TNS2: variants seen among roughly 807,000 people sequenced by gnomAD.
The protein encoded by TNS2 is tensin 2.
A neutral mutation model predicts 155.7 loss-of-function variants in TNS2; 77 were observed. The observed-to-expected ratio is 0.49, with a 90% confidence interval of 0.41 to 0.60. TNS2 has a LOEUF of 0.60. Among genes scored for constraint, TNS2 ranks in the 20% least tolerant of loss-of-function variants. TNS2 has a pLI of 0.00. For synonymous variants in TNS2, 726 were observed against 763.9 expected, an observed-to-expected ratio of 0.95 and a Z score of 0.82; for missense variants, 1,703 against 1,868.8, an observed-to-expected ratio of 0.91 and a Z score of 1.64.
intron 1 of TNS2, among the ~76,000 whole-genome samples, chr12:53,051,008 G>T (rs1943910952): frequency 6.6e-6 from 1 of 152,184 alleles, no homozygotes. Context: ...CCAGACAGAG[G>T]ATGGGAGGAG....
rs1187768278 is a variant in TNS2 at position 53,060,150 on chromosome 12, C to A, written c.2509C>A (p.Pro837Thr). 7 of 1,609,534 alleles carry A rather than the reference C, an allele frequency of 4.3e-6. No homozygotes were observed. Among genetic ancestry groups the A allele is most frequent in the Non-Finnish European group, 5.9e-6 (7 of 1,178,032 alleles). The change falls in exon 18 of 29, where the codon CCC becomes ACC. Residue 837 changes from proline to threonine, a missense_variant. Physicochemically the swap from Pro to Thr is conservative, Grantham distance 38 (BLOSUM62 -1). Transcript: ENST00000314250. This position sits in a 1 kb window ranked among gnomAD's most constrained non-coding sequence, Gnocchi z 6.1. ...TGGCTCCATTTCCCCGGGCAGCCCG[C>A]CCTATCCACAATCTAGGAAGCTGAG... ...RAGSISPGSP[P>T]YPQSRKLSYE...
Position 53,050,192 on chromosome 12 carries a change from T to C in TNS2, c.7T>C (p.Ser3Pro), listed in dbSNP as rs1332517303. ...CCCCAGCCAGCCGAACACCATGAAG[T>C]CCAGCGGCCCTGTGGAGAGGCTGCT... MK[S>P]SGPVERLLRA... Residue 3 changes from serine to proline, a missense_variant, in exon 1 of 29, where the codon TCC becomes CCC. By Grantham distance (74) the Ser-to-Pro change is moderately conservative. Coordinates refer to ENST00000314250, the MANE Select transcript of TNS2 (RefSeq NM_170754.4). The surrounding 1 kb of genome is among the most constrained non-coding windows in gnomAD (Gnocchi z 4.7). The C allele has an allele frequency of 6.2e-7, 1 of 1,610,946 alleles. No individual in the cohort carries two copies. Among genetic ancestry groups the C allele is most frequent in the South Asian group, 1.1e-5 (1 of 90,588 alleles).
intron 22 of TNS2, 77 bp from the exon 23 acceptor site, chr12:53,062,076 T>C (rs760165790): frequency 4.2e-5 from 68 of 1,611,192 alleles, no homozygotes; most frequent in Non-Finnish European, 5.4e-5. Context: ...CCTCAGCTGC[T>C]CGGGAAAGAA....
In TNS2 at chr12:53,063,639, C is replaced by T. The variant is rs750107762; in HGVS notation, c.4091+47C>T. 1.9e-5 allele frequency: 30 copies of T among 1,614,058 alleles called. No homozygotes were observed. Among genetic ancestry groups the T allele is most frequent in the East Asian group, 2.2e-5 (1 of 44,900 alleles). Reference sequence around the variant, plus strand: ...GCCTCTTCCTTCCAAGGGACCAGGGCGCTGCTGTCCTCTCAATGCTGGCAT... The same window carrying T: ...GCCTCTTCCTTCCAAGGGACCAGGGTGCTGCTGTCCTCTCAATGCTGGCAT... On this transcript the variant is annotated intron_variant, in intron 28 of 28. Coordinates refer to ENST00000314250, the MANE Select transcript of TNS2 (RefSeq NM_170754.4). This position sits in a 1 kb window ranked among gnomAD's most constrained non-coding sequence, Gnocchi z 5.6.
At chr12:53,049,862 C>T, upstream of TNS2, 1 of 416,354 alleles carries the variant, frequency 2.4e-6, no homozygotes, top group African/African-American at 2.1e-5. Flanking sequence ...GTGTGGTGTC[C>T]CAGGTGTGGG....
At chr12:53,049,098 C>G, upstream of TNS2, 1 of 1,429,568 alleles carries the variant, frequency 7.0e-7, no homozygotes, top group South Asian at 1.4e-5. Flanking sequence ...CCTTGACTCC[C>G]AGGACGGGAA....
rs745815288 is a variant in TNS2, at chr12:53,063,366, AT to A, written c.4012del (p.Tyr1338IlefsTer3). 6.2e-7 allele frequency: 1 copy of A among 1,613,720 alleles called. No homozygotes were observed. The highest frequency in any genetic ancestry group is 1.7e-5 in the Admixed American group (1 of 59,982). ...CCTTGCAGGCTCTTCTTTCGCCGCCATTATCCAGTGAACAGCATCACCTTCT... is the reference window on the plus strand; with the variant it reads ...CCTTGCAGGCTCTTCTTTCGCCGCCATATCCAGTGAACAGCATCACCTTCT... ...DNQRKLFFRR[H>X]YPVNSITFSS... On this transcript the variant is annotated frameshift_variant, in exon 27 of 29. Coordinates refer to ENST00000314250, the MANE Select transcript of TNS2 (RefSeq NM_170754.4). LOFTEE classifies it high-confidence loss of function. The surrounding 1 kb of genome is among the most constrained non-coding windows in gnomAD (Gnocchi z 5.6).
In TNS2 at chr12:53,059,058, C is replaced by G. The variant is rs1424664989; in HGVS notation, c.1417C>G (p.His473Asp). Residue 473 changes from histidine to aspartate, a missense_variant, in exon 18 of 29, where the codon CAC becomes GAC. By Grantham distance (81) the His-to-Asp change is moderately conservative. Coordinates refer to ENST00000314250, the MANE Select transcript of TNS2 (RefSeq NM_170754.4). This position sits in a 1 kb window ranked among gnomAD's most constrained non-coding sequence, Gnocchi z 4.7. ...HEDSVDGSLT[H>D]TRGPLDGSPY... ...TCTTCCCCACTCAGGCTCCTTGACC[C>G]ACACCCGGGGTCCCCTGGATGGCAG... 1.9e-6 allele frequency: 3 copies of G among 1,538,512 alleles called. No homozygotes were observed. Among genetic ancestry groups the G allele is most frequent in the Admixed American group, 2.0e-5 (1 of 49,508 alleles).
rs762491330 is a variant in TNS2, at chr12:53,059,123, C to T, written c.1482C>T (p.Pro494=). 9.5e-6 allele frequency: 15 copies of T among 1,573,836 alleles called. No individual in the cohort carries two copies. Among genetic ancestry groups the T allele is most frequent in the Admixed American group, 9.1e-5 (5 of 55,108 alleles). Residue 494 remains proline, a synonymous_variant, in exon 18 of 29, where the codon CCC becomes CCT. Transcript: ENST00000314250. This position sits in a 1 kb window ranked among gnomAD's most constrained non-coding sequence, Gnocchi z 4.7. ...AQVQRPPRQT[P]PAPSPEPPPP... ...TGCAGCGGCCTCCCCGGCAGACCCC[C>T]CCGGCACCCTCTCCAGAGCCTCCAC...
chr12:53,061,967 G>T (rs1353734968), intron 22 of TNS2, 27 bp downstream of exon 22: 1 of 1,609,278 alleles, frequency 6.2e-7, no homozygotes, highest in Non-Finnish European at 8.5e-7. Flanking sequence ...CCTGAGTGGG[G>T]TGGGGATGAA....
intron 15 of TNS2, 33 bp from the exon 16 acceptor site, chr12:53,058,539 G>A (rs1201770945): frequency 1.2e-6 from 2 of 1,613,870 alleles, no homozygotes; most frequent in South Asian, 1.1e-5. Flanking sequence ...GTATGGGCCA[G>A]GGGCCTGGTT....
chr12:53,060,191 G>C lies in TNS2; in HGVS notation c.2550G>C (p.Thr850=), dbSNP rs1300072512. The change falls in exon 18 of 29, where the codon ACG becomes ACC. Residue 850 remains threonine (T), a synonymous_variant. Coordinates refer to ENST00000314250, the MANE Select transcript of TNS2 (RefSeq NM_170754.4). This position sits in a 1 kb window ranked among gnomAD's most constrained non-coding sequence, Gnocchi z 6.1. ...GGAAGCTGAGCTACGAGATCCCTAC[G>C]GAGGAGGGAGGGGACAGGTACCCAT... is the stretch of plus-strand genomic sequence containing the variant. The part of the protein sequence containing the change: ...QSRKLSYEIP[T]EEGGDRYPLP... 6.3e-7 allele frequency: 1 copy of C among 1,588,974 alleles called. No individual in the cohort carries two copies. The highest frequency in any genetic ancestry group is 1.3e-5 in the African/African-American group (1 of 74,564).
At position 53,063,354 on chromosome 12, in the gene TNS2, T is replaced by C; in HGVS notation, c.3998T>C (p.Phe1333Ser). The change falls in exon 27 of 29, where the codon TTC becomes TCC. Residue 1333 changes from phenylalanine (F) to serine (S), a missense_variant. Phe to Ser is a radical substitution (Grantham distance 155). Coordinates refer to ENST00000314250, the MANE Select transcript of TNS2 (RefSeq NM_170754.4). This position sits in a 1 kb window ranked among gnomAD's most constrained non-coding sequence, Gnocchi z 5.6. Reference sequence around the variant, plus strand: ...CCTCACCCTCCTCCTTGCAGGCTCTTCTTTCGCCGCCATTATCCAGTGAAC... The same window carrying C: ...CCTCACCCTCCTCCTTGCAGGCTCTCCTTTCGCCGCCATTATCCAGTGAAC... ...ITLTDNQRKLFFRRHYPVNSI... is the reference protein window; with the variant it reads ...ITLTDNQRKLSFRRHYPVNSI... 1 of 1,614,054 alleles carries C rather than the reference T, an allele frequency of 6.2e-7. No homozygotes were observed. Among genetic ancestry groups the C allele is most frequent in the South Asian group, 1.1e-5 (1 of 91,086 alleles).
intron 7 of TNS2, 151 bp from the exon 8 acceptor site, chr12:53,055,035 T>TG (rs1182150809): frequency 9.1e-6 from 7 of 772,508 alleles, no homozygotes; most frequent in Non-Finnish European, 1.5e-5. Context: ...CCGCCCGCCT[T>TG]GGTCTCCCAA....
intron 21 of TNS2, 53 bp downstream of exon 21, chr12:53,061,522 G>A (rs1944385507): frequency 6.3e-6 from 10 of 1,592,830 alleles, no homozygotes; most frequent in Non-Finnish European, 7.8e-6. Flanking sequence ...CAGGGTGTCT[G>A]TCTTGGCTTT....
chr12:53,056,004 G>T, intron 10 of TNS2, 159 bp downstream of exon 10: 1 of 708,540 alleles, frequency 1.4e-6, no homozygotes, highest in South Asian at 1.9e-5. Flanking sequence ...CTGCAACATA[G>T]TCTGCAGCAG....
At position 53,062,191 on chromosome 12, in the gene TNS2, G is replaced by A. The variant is rs777627446; in HGVS notation, c.3613G>A (p.Glu1205Lys). Reference protein sequence around the residue: ...VEQLVRHFLIETGPKGVKIKG... With the variant: ...VEQLVRHFLIKTGPKGVKIKG... Reference sequence around the variant, plus strand: ...ACAGCTGGTCCGCCATTTCCTCATCGAGACTGGGCCCAAAGGGGTGAAGAT... The same window carrying A: ...ACAGCTGGTCCGCCATTTCCTCATCAAGACTGGGCCCAAAGGGGTGAAGAT... The change falls in exon 23 of 29, where the codon GAG (glutamate) becomes AAG (lysine). Residue 1205 changes from glutamate to lysine, a missense_variant. Transcript: ENST00000314250. 3.5e-5 allele frequency: 56 copies of A among 1,613,974 alleles called. No individual in the cohort carries two copies. The highest frequency in any genetic ancestry group is 1.0e-4 in the Admixed American group (6 of 59,996).
chr12:53,058,587 T>A lies in TNS2; in HGVS notation c.1241T>A (p.Phe414Tyr). The A allele has an allele frequency of 6.2e-7, 1 of 1,614,070 alleles. No homozygotes were observed. The highest frequency in any genetic ancestry group is 1.1e-5 in the South Asian group (1 of 91,082). ...CTCCCCATAGATGAGAGGTTCCCCT[T>A]CCAAGCCTCCGTGGAGTTTGTCTTC... ...DEAWTDERFP[F>Y]QASVEFVFSS... Residue 414 changes from phenylalanine (F) to tyrosine (Y), a missense_variant, in exon 16 of 29, where the codon TTC (phenylalanine) becomes TAC (tyrosine). Transcript: ENST00000314250.
chr12:53,058,340 C>T lies in TNS2; in HGVS notation c.1120C>T (p.Arg374Trp), dbSNP rs149747461. The part of the protein sequence containing the change: ...VMVTCYHKGG[R>W]GTDRTLVFRV... ...GGTAACATGTTATCACAAGGGTGGC[C>T]GGGGCACAGACCGGACCCTCGTGTT... is the stretch of plus-strand genomic sequence containing the variant. The change falls in exon 15 of 29, where the codon CGG (arginine) becomes TGG (tryptophan). Residue 374 changes from arginine to tryptophan, a missense_variant. Coordinates refer to ENST00000314250, the MANE Select transcript of TNS2 (RefSeq NM_170754.4). 3.3e-5 allele frequency: 53 copies of T among 1,614,126 alleles called. No individual in the cohort carries two copies. Among genetic ancestry groups the T allele is most frequent in the African/African-American group, 6.7e-5 (5 of 75,036 alleles).
Sources: gnomAD v4.1 joint callset for allele counts (sites outside exome capture counted in the v4.1 genomes callset) on GRCh38, gnomAD v4.1.1 for gene constraint, Gnocchi (gnomAD v3.1) non-coding constraint, MANE v1.5 for transcripts, NCBI Gene and HGNC (gene_info 2026-07-23, HGNC 2026-07-21) for gene names.